Variants in SFMBT2 observed in about 807,000 individuals in gnomAD.
The protein encoded by SFMBT2 is scm-like with four MBT domains protein 2.
Under a neutral mutation model 110.1 loss-of-function variants are expected in SFMBT2, and 38 were observed. The observed-to-expected ratio is 0.35, with a 90% CI of 0.27 to 0.45. The LOEUF (loss-of-function observed/expected upper bound fraction) is 0.45. Ranked by LOEUF, SFMBT2 falls within the 20% of genes least tolerant of loss-of-function variation. The pLI is 1.00. For synonymous variants in SFMBT2, 425 were observed against 425.4 expected (o/e 1.00, Z 0.01); for missense variants, 1,011 against 1,094.9 (o/e 0.92, Z 1.08).
chr10:7,400,895 A>T (rs974958414), intron 1 of SFMBT2, among the ~76,000 whole-genome samples: 2 of 152,168 alleles, frequency 1.3e-5, no homozygotes, highest in Admixed American at 1.3e-4. Flanking sequence ...CACTTCAGGA[A>T]GCCGAGGCGG....
At chr10:7,205,722 T>G in intron 12 of SFMBT2, 93 bp downstream of exon 12, 14 of 1,483,228 alleles carry the variant, frequency 9.4e-6, no homozygotes, top group Non-Finnish European at 1.2e-5. Context: ...TATTTGTTCT[T>G]TAGAACTTGG....
chr10:7,191,186 C>T (rs934806864), intron 15 of SFMBT2, among the ~76,000 whole-genome samples: 10 of 152,208 alleles, frequency 6.6e-5, no homozygotes, highest in Non-Finnish European at 1.5e-5. Context: ...CATTTCTCAG[C>T]TCTTTTACAG....
rs192451694 is a variant in SFMBT2, at chr10:7,344,893, A to G, written c.436+22756T>C. Among the ~76,000 whole-genome samples the G allele has an allele frequency of 4.0e-3, 575 of 142,326 alleles. 5 individuals carry two copies. Among genetic ancestry groups the G allele is most frequent in the Middle Eastern group, 0.014 (4 of 280 alleles). The allele number at this position is 142,326 out of a possible 152,430, so 93.4% of individuals were successfully genotyped here. A position where few individuals can be genotyped will look rare whatever the true frequency, so the allele number is the denominator to read the frequency against. On this transcript the variant is annotated intron_variant, in intron 4 of 20. Coordinates refer to ENST00000397167, the MANE Select transcript of SFMBT2 (RefSeq NM_001387889.1). ...AGAATGGTGTGAACCCAGGAGACGG[A>G]GCTTGCAGTGAGCCGAGATTGCGCC...
Position 7,158,797 on chromosome 10 carries a change from G to A in SFMBT2, c.*4973C>T, listed in dbSNP as rs1056235833. 1.3e-5 allele frequency: 2 copies of A among 151,866 alleles called. No homozygotes were observed. The highest frequency in any genetic ancestry group is 2.4e-5 in the African/African-American group (1 of 41,348). 9.4% of individuals were successfully genotyped at this position (151,866 alleles called of 1,614,324 possible). On this transcript the variant is annotated 3_prime_UTR_variant, in exon 21 of 21. Transcript: ENST00000397167. ...ACAGCAAACCAAAAGCATGCCCTTC[G>A]TCCTGCAAATTTCAAAAGTAATGAC...
chr10:7,237,250 A>C lies in SFMBT2; in HGVS notation c.1120+6308T>G, dbSNP rs572175973. On this transcript the variant is annotated intron_variant, in intron 9 of 20. Coordinates refer to ENST00000397167, the MANE Select transcript of SFMBT2 (RefSeq NM_001387889.1). ...GGATGTACATTTGGGGATCACTTGC[A>C]ATAGGGAAACCTGGAAATCCCTTCA... is the stretch of plus-strand genomic sequence containing the variant. 1.1e-4 allele frequency among the ~76,000 whole-genome samples: 16 copies of C among 152,346 alleles called. No individual in the cohort carries two copies. The South Asian group carries it at 3.3e-3, about 32-fold the overall frequency.
At chr10:7,403,739 A>C (rs183775206) in intron 1 of SFMBT2, among the ~76,000 whole-genome samples, 86 of 152,324 alleles carry the variant, frequency 5.6e-4, no homozygotes, top group African/African-American at 2.0e-3. Flanking sequence ...ACAATGTATA[A>C]GACTAGGATT....
At chr10:7,402,588 T>C (rs1470244346) in intron 1 of SFMBT2, among the ~76,000 whole-genome samples, 1 of 152,192 alleles carries the variant, frequency 6.6e-6, no homozygotes, top group Admixed American at 6.5e-5. Flanking sequence ...TTGGCAAAAT[T>C]TGACTTTTTC....
chr10:7,391,527 G>A (rs546056380), intron 1 of SFMBT2, among the ~76,000 whole-genome samples: 3 of 151,014 alleles, frequency 2.0e-5, no homozygotes, highest in African/African-American at 4.9e-5. Flanking sequence ...GGCAATGGCC[G>A]TGCCACTGGA....
intron 1 of SFMBT2, among the ~76,000 whole-genome samples, chr10:7,394,408 C>T (rs12269689): frequency 0.067 from 10,096 of 151,526 alleles, 1,074 homozygotes; most frequent in African/African-American, 0.23. Flanking sequence ...CTCTCTCAGC[C>T]GACTGTTCTG....
chr10:7,297,136 A>T (rs1400689759), intron 4 of SFMBT2, among the ~76,000 whole-genome samples: 3 of 152,246 alleles, frequency 2.0e-5, no homozygotes, highest in African/African-American at 7.2e-5. Context: ...AGCAGGCAAA[A>T]AGAATAAAAA....
intron 4 of SFMBT2, among the ~76,000 whole-genome samples, chr10:7,350,663 T>G (rs541138400): frequency 2.0e-5 from 3 of 152,250 alleles, no homozygotes; most frequent in African/African-American, 7.2e-5. Flanking sequence ...AAGACTGTTT[T>G]ATACTTTAAG....
intron 1 of SFMBT2, among the ~76,000 whole-genome samples, chr10:7,385,292 G>A (rs1031715132): frequency 6.6e-6 from 1 of 152,200 alleles, no homozygotes; most frequent in East Asian, 1.9e-4. Flanking sequence ...CACTGAGGAA[G>A]AGAGACAGCA....
chr10:7,338,874 C>T (rs1843802307), intron 4 of SFMBT2, among the ~76,000 whole-genome samples: 1 of 152,146 alleles, frequency 6.6e-6, no homozygotes, highest in Non-Finnish European at 1.5e-5. Context: ...ATGTTACAAC[C>T]AACAGGCTCT....
rs566252666 is a variant in SFMBT2 at position 7,165,651 on chromosome 10, C to T, written c.2545-1741G>A. On this transcript the variant is annotated intron_variant, in intron 20 of 20. Transcript: ENST00000397167. ...CTATGATGTAAGCAACTCGAAGCCA[C>T]GTTCAACCAAGACCAAAGGTGACCT... Among the ~76,000 whole-genome samples, 18 of 152,296 alleles carry T rather than the reference C, an allele frequency of 1.2e-4. No individual in the cohort carries two copies. In the South Asian group the frequency reaches 2.9e-3, roughly 25 times the overall value.
intron 9 of SFMBT2, 25 bp downstream of exon 9, chr10:7,243,533 C>T: frequency 1.1e-6 from 1 of 871,846 alleles, no homozygotes; most frequent in Non-Finnish European, 2.0e-6. Flanking sequence ...TCTCCAGACC[C>T]TGCATACCTT....
Position 7,160,580 on chromosome 10 carries a change from A to C in SFMBT2, c.*3190T>G, listed in dbSNP as rs889783447. 6.6e-5 allele frequency: 10 copies of C among 152,234 alleles called. No individual in the cohort carries two copies. Among genetic ancestry groups the C allele is most frequent in the African/African-American group, 2.2e-4 (9 of 41,446 alleles). The allele number at this position is 152,234 out of a possible 1,614,324, so 9.4% of individuals were successfully genotyped here. On this transcript the variant is annotated 3_prime_UTR_variant, in exon 21 of 21. Transcript: ENST00000397167. The stretch of plus-strand genomic sequence containing the variant: ...AGACGGAGAAGAAACGGTACCATCC[A>C]GGGAAGGAATGCGGGGCATCACTTT...
At chr10:7,311,913 C>T (rs904969351) in intron 4 of SFMBT2, among the ~76,000 whole-genome samples, 4 of 152,094 alleles carry the variant, frequency 2.6e-5, no homozygotes, top group Non-Finnish European at 5.9e-5. Flanking sequence ...CTCTACAAGT[C>T]GCAAACTAAA....
chr10:7,184,788 A>G lies in SFMBT2; in HGVS notation c.1808+3836T>C, dbSNP rs572844422. Among the ~76,000 whole-genome samples, 7 of 152,294 alleles carry G rather than the reference A, an allele frequency of 4.6e-5. No individual in the cohort carries two copies. The East Asian group carries it at 1.4e-3, about 29-fold the overall frequency. On this transcript the variant is annotated intron_variant, in intron 16 of 20. Coordinates refer to ENST00000397167, the MANE Select transcript of SFMBT2 (RefSeq NM_001387889.1). ...CGGAGGACGAGGTTCTGGTTCTTCA[A>G]GCTGAACTCACACCCTCAAATGCTG...
chr10:7,200,943 T>G, intron 13 of SFMBT2: 1 of 721,382 alleles, frequency 1.4e-6, no homozygotes, highest in African/African-American at 1.9e-5. Context: ...ACACTAAAAA[T>G]AAGGCCTTAA....
Sources: gnomAD v4.1 joint callset for allele counts (sites outside exome capture counted in the v4.1 genomes callset) on GRCh38, gnomAD v4.1.1 for gene constraint, MANE v1.5 for transcripts, NCBI Gene and HGNC (gene_info 2026-07-23, HGNC 2026-07-21) for gene names.